The following P2RY8 variants were observed in gnomAD, a reference collection of about 807,000 sequenced individuals.
P2RY8 encodes S-geranylgeranyl-glutathione receptor P2RY8.
A neutral mutation model predicts 10.0 loss-of-function variants in P2RY8; 6 were observed. The observed-to-expected ratio is 0.60, with a 90% CI of 0.33 to 1.19. The LOEUF (loss-of-function observed/expected upper bound fraction) is 1.19, where lower values mean the gene tolerates loss of function less well. P2RY8 is among the 50% of genes most tolerant of loss of function. The probability of loss-of-function intolerance (pLI) is 0.04; values close to 1 mark genes in which losing one functional copy is unlikely to be tolerated. For synonymous variants in P2RY8, 276 were observed against 252.5 expected (o/e 1.09, Z -0.88); for missense variants, 456 against 542.0 (o/e 0.84, Z 1.58).
At chrX:1,480,236 A>G (rs1446708139) in intron 1 of P2RY8, among the ~76,000 whole-genome samples, 1 of 152,080 alleles carries the variant, frequency 6.6e-6, no homozygotes, top group Non-Finnish European at 1.5e-5. Context: ...GAAGGGTGAG[A>G]GGTTTCAACT....
intron 1 of P2RY8, among the ~76,000 whole-genome samples, chrX:1,535,284 T>C (rs1243408389): frequency 7.2e-6 from 1 of 139,380 alleles, no homozygotes; most frequent in Non-Finnish European, 1.5e-5. Flanking sequence ...GCCTCCTGGG[T>C]TCAAGTGATT....
chrX:1,521,544 A>G (rs1347518174), intron 1 of P2RY8, among the ~76,000 whole-genome samples: 2 of 152,194 alleles, frequency 1.3e-5, no homozygotes, highest in Non-Finnish European at 2.9e-5. Context: ...TCACCCTGGC[A>G]TCAGCAGGAA....
At chrX:1,524,677 C>A (rs536413684) in intron 1 of P2RY8, among the ~76,000 whole-genome samples, 1 of 30,764 alleles carries the variant, frequency 3.3e-5, no homozygotes, top group Non-Finnish European at 6.5e-5. Flanking sequence ...ATTCATCCAT[C>A]CATCCATCCA....
At chrX:1,488,902 GA>G (rs1569537163) in intron 1 of P2RY8, among the ~76,000 whole-genome samples, 2 of 152,070 alleles carry the variant, frequency 1.3e-5, no homozygotes, top group Non-Finnish European at 2.9e-5. Flanking sequence ...GGGAATGAAT[GA>G]ATGATACCCA....
intron 1 of P2RY8, among the ~76,000 whole-genome samples, chrX:1,509,091 G>GTATCTATCTATC (rs1318714328): frequency 7.7e-5 from 10 of 129,894 alleles, no homozygotes; most frequent in Non-Finnish European, 8.4e-5. Flanking sequence ...ATCTATCTAT[G>GTATCTATCTATC]TATCTATGTA....
intron 1 of P2RY8, among the ~76,000 whole-genome samples, chrX:1,535,730 C>CACACAG (rs1307766361): frequency 6.6e-6 from 1 of 151,234 alleles, no homozygotes; most frequent in African/African-American, 2.4e-5. Flanking sequence ...CACACACAGA[C>CACACAG]ACACACACAC....
At chrX:1,491,411 G>A (rs1231392022) in intron 1 of P2RY8, among the ~76,000 whole-genome samples, 1 of 152,260 alleles carries the variant, frequency 6.6e-6, no homozygotes, top group Non-Finnish European at 1.5e-5. Context: ...TGGAGGGAAT[G>A]AAGGAATGAG....
intron 1 of P2RY8, among the ~76,000 whole-genome samples, chrX:1,501,947 G>A (rs1320114950): frequency 1.3e-5 from 2 of 151,360 alleles, no homozygotes; most frequent in Admixed American, 6.6e-5. Flanking sequence ...ATCTCGCTCT[G>A]TCACCCAGAT....
chrX:1,531,052 ATCTGTCTGTCTGTCTG>A (rs1171703505), intron 1 of P2RY8, among the ~76,000 whole-genome samples: 42 of 118,146 alleles, frequency 3.6e-4, no homozygotes, highest in African/African-American at 1.3e-3. Flanking sequence ...GATTCTATCT[ATCTGTCTGTCTGTCTG>A]TCTATCTATC....
chrX:1,487,705 GA>G (rs1379368898), intron 1 of P2RY8, among the ~76,000 whole-genome samples: 1 of 152,160 alleles, frequency 6.6e-6, no homozygotes, highest in African/African-American at 2.4e-5. Flanking sequence ...GAAGAGACCT[GA>G]AGTGTATCAT....
At chrX:1,522,349 C>T (rs1392010360) in intron 1 of P2RY8, among the ~76,000 whole-genome samples, 6 of 152,220 alleles carry the variant, frequency 3.9e-5, no homozygotes, top group Admixed American at 3.9e-4. Context: ...TGCATTCATG[C>T]CTCCGTGCAG....
At chrX:1,534,267 A>T (rs1428873310) in intron 1 of P2RY8, among the ~76,000 whole-genome samples, 1 of 144,786 alleles carries the variant, frequency 6.9e-6, no homozygotes, top group Non-Finnish European at 1.5e-5. Flanking sequence ...ATAATTATAT[A>T]TGTAATACAT....
intron 1 of P2RY8, among the ~76,000 whole-genome samples, chrX:1,505,967 A>G (rs1357852657): frequency 6.6e-6 from 1 of 150,464 alleles, no homozygotes; most frequent in Non-Finnish European, 1.5e-5. Flanking sequence ...CATTGAACAA[A>G]GCATCTTAAT....
intron 1 of P2RY8, among the ~76,000 whole-genome samples, chrX:1,476,339 G>A (rs1205911953): frequency 6.6e-6 from 1 of 152,056 alleles, no homozygotes; most frequent in African/African-American, 2.4e-5. Flanking sequence ...CACTTTGGGA[G>A]GCTGAGGTGG....
chrX:1,504,904 G>A (rs747163314), intron 1 of P2RY8, among the ~76,000 whole-genome samples: 1 of 152,150 alleles, frequency 6.6e-6, no homozygotes, highest in East Asian at 1.9e-4. Flanking sequence ...AAGCCGAGGC[G>A]GGTGGATCAC....
intron 1 of P2RY8, among the ~76,000 whole-genome samples, chrX:1,521,528 C>T (rs2092391634): frequency 6.6e-6 from 1 of 152,178 alleles, no homozygotes; most frequent in Admixed American, 6.5e-5. Flanking sequence ...CGGCTTGCAA[C>T]CACTGTCACC....
intron 1 of P2RY8, 89 bp downstream of exon 1, chrX:1,536,832 T>C (rs777317527): frequency 2.5e-5 from 5 of 201,254 alleles, no homozygotes; most frequent in African/African-American, 6.9e-5. Context: ...TCTTCCCCCA[T>C]GTTCTCACCG....
In P2RY8 at chrX:1,465,394, C is replaced by G. The variant is rs769691000; in HGVS notation, c.*85G>C. The G allele has an allele frequency of 7.7e-5, 116 of 1,515,610 alleles. No homozygotes were observed. The East Asian group carries it at 2.4e-3, about 32-fold the overall frequency. The allele number at this position is 1,515,610 out of a possible 1,614,324, so 93.9% of individuals were successfully genotyped here. On this transcript the variant is annotated 3_prime_UTR_variant, in exon 2 of 2. Transcript: ENST00000381297. ...GCCTGGGAGCAACGCAGCTGTTCTC[C>G]CTGAACCTCTGGCACCGTGGCCTCT...
At chrX:1,518,423 C>A (rs1489821103) in intron 1 of P2RY8, among the ~76,000 whole-genome samples, 17 of 49,764 alleles carry the variant, frequency 3.4e-4, no homozygotes, top group African/African-American at 1.2e-3. Flanking sequence ...GAGACTCCGT[C>A]TCAAAAAAAA....
Sources: allele counts gnomAD v4.1 joint callset (sites outside exome capture counted in the v4.1 genomes callset), GRCh38; gene constraint gnomAD v4.1.1; transcripts MANE v1.5; gene names NCBI Gene and HGNC (gene_info 2026-07-23, HGNC 2026-07-21).